FGF14: variants seen among roughly 807,000 people sequenced by gnomAD.
FGF14 encodes fibroblast growth factor 14, also known as fibroblast growth factor homologous factor 4.
In FGF14, 5 loss-of-function variants were observed where a neutral mutation model predicts 25.5. The ratio of observed to expected loss-of-function variants is 0.20; its 90% CI spans 0.10 to 0.41. The LOEUF (loss-of-function observed/expected upper bound fraction) is 0.41, where lower values mean the gene tolerates loss of function less well. Ranked by LOEUF, FGF14 falls within the 10% of genes least tolerant of loss-of-function variation. The pLI is 1.00. For synonymous variants in FGF14, 138 were observed against 118.3 expected (o/e 1.17, Z -1.08); for missense variants, 222 against 320.1 (o/e 0.69, Z 2.34).
At chr13:102,398,475 T>C (rs1364684580) in intron 1 of FGF14, among the ~76,000 whole-genome samples, 2 of 152,220 alleles carry the variant, frequency 1.3e-5, no homozygotes, top group Non-Finnish European at 2.9e-5. Context: ...CTATTATTTA[T>C]CTCTGAAATA....
chr13:102,106,167 T>TGTGCAGTA (rs2044900476), intron 1 of FGF14, among the ~76,000 whole-genome samples: 1 of 152,252 alleles, frequency 6.6e-6, no homozygotes, highest in South Asian at 2.1e-4. Flanking sequence ...AATATTTTTA[T>TGTGCAGTA]GTGCAGTAAG....
chr13:102,106,594 G>C (rs960952066), intron 1 of FGF14, among the ~76,000 whole-genome samples: 11 of 147,898 alleles, frequency 7.4e-5, no homozygotes, highest in African/African-American at 2.2e-4. Context: ...GAGGGAGGGA[G>C]GGAGGGAGGG....
chr13:102,173,573 A>C (rs985217073), intron 1 of FGF14, among the ~76,000 whole-genome samples: 1 of 152,200 alleles, frequency 6.6e-6, no homozygotes, highest in Non-Finnish European at 1.5e-5. Context: ...ATGTGGAAAC[A>C]ACCCAAATGT....
intron 1 of FGF14, among the ~76,000 whole-genome samples, chr13:102,054,875 A>G (rs2042363516): frequency 6.6e-6 from 1 of 152,110 alleles, no homozygotes; most frequent in Non-Finnish European, 1.5e-5. Flanking sequence ...TCTCATAAGT[A>G]TTATTGCCAA....
At chr13:102,129,832 A>G (rs545101263) in intron 1 of FGF14, among the ~76,000 whole-genome samples, 11 of 152,274 alleles carry the variant, frequency 7.2e-5, no homozygotes, top group Non-Finnish European at 1.3e-4. Context: ...AAGTATAATA[A>G]TAAAAAAAAA....
At chr13:101,855,350 A>G (rs2044071852) in intron 3 of FGF14, among the ~76,000 whole-genome samples, 1 of 152,188 alleles carries the variant, frequency 6.6e-6, no homozygotes, top group African/African-American at 2.4e-5. Context: ...AACTATTTTA[A>G]AGTACCAAAT....
At chr13:101,796,725 G>T (rs1304363663) in intron 3 of FGF14, among the ~76,000 whole-genome samples, 1 of 151,978 alleles carries the variant, frequency 6.6e-6, no homozygotes, top group Non-Finnish European at 1.5e-5. Flanking sequence ...AGAGGCCTCA[G>T]AAGAAACAAT....
intron 1 of FGF14, among the ~76,000 whole-genome samples, chr13:102,129,786 T>C (rs544449131): frequency 6.6e-6 from 1 of 152,122 alleles, no homozygotes; most frequent in African/African-American, 2.4e-5. Context: ...TGTATACATA[T>C]GTAACAAACC....
At chr13:102,022,446 A>G (rs2040707324) in intron 1 of FGF14, among the ~76,000 whole-genome samples, 1 of 152,106 alleles carries the variant, frequency 6.6e-6, no homozygotes. Context: ...ACTCGCTCAA[A>G]GAGATGGCAT....
chr13:101,997,688 C>T (rs1002276792), intron 1 of FGF14, among the ~76,000 whole-genome samples: 19 of 152,084 alleles, frequency 1.2e-4, no homozygotes, highest in African/African-American at 4.6e-4. Context: ...GCATTACAAG[C>T]TATAACATAA....
intron 1 of FGF14, among the ~76,000 whole-genome samples, chr13:101,885,713 A>C (rs944975391): frequency 1.1e-4 from 16 of 151,944 alleles, no homozygotes; most frequent in Non-Finnish European, 1.6e-4. Flanking sequence ...AAAAAAAAAA[A>C]AAAACTGCAG....
intron 1 of FGF14, among the ~76,000 whole-genome samples, chr13:102,156,607 G>T (rs1566756188): frequency 6.6e-6 from 1 of 152,178 alleles, no homozygotes; most frequent in South Asian, 2.1e-4. Flanking sequence ...GCACAAGACA[G>T]GGAGGCCCTC....
At chr13:101,816,483 T>G (rs868312977) in intron 3 of FGF14, among the ~76,000 whole-genome samples, 1 of 152,216 alleles carries the variant, frequency 6.6e-6, no homozygotes, top group Non-Finnish European at 1.5e-5. Context: ...TGAAATATAA[T>G]TACCTGGGTC....
chr13:101,998,958 T>C (rs945173751), intron 1 of FGF14, among the ~76,000 whole-genome samples: 4 of 152,186 alleles, frequency 2.6e-5, no homozygotes, highest in Non-Finnish European at 5.9e-5. Context: ...AAAATCTCTA[T>C]AAGCCAAAAA....
intron 3 of FGF14, among the ~76,000 whole-genome samples, chr13:101,756,688 G>A (rs566450026): frequency 5.6e-4 from 85 of 152,254 alleles, no homozygotes; most frequent in Middle Eastern, 3.4e-3. Context: ...AGCTGAGATC[G>A]TGCCACTGCA....
At chr13:101,905,500 A>G (rs1444740084) in intron 1 of FGF14, among the ~76,000 whole-genome samples, 1 of 152,070 alleles carries the variant, frequency 6.6e-6, no homozygotes, top group African/African-American at 2.4e-5. Flanking sequence ...GGAGTTGGAC[A>G]ATGAGAACAC....
intron 1 of FGF14, among the ~76,000 whole-genome samples, chr13:102,359,942 T>C (rs1347672843): frequency 5.3e-5 from 8 of 151,754 alleles, no homozygotes; most frequent in African/African-American, 1.7e-4. Context: ...GGAAATCTTA[T>C]AGTATACAGA....
chr13:101,752,698 A>G (rs1190809039), intron 3 of FGF14, among the ~76,000 whole-genome samples: 1 of 152,186 alleles, frequency 6.6e-6, no homozygotes, highest in Non-Finnish European at 1.5e-5. Flanking sequence ...TGAGTTCATC[A>G]GGAACTCATG....
At chr13:102,281,698 T>C (rs1594708428) in intron 1 of FGF14, among the ~76,000 whole-genome samples, 1 of 152,038 alleles carries the variant, frequency 6.6e-6, no homozygotes, top group Non-Finnish European at 1.5e-5. Flanking sequence ...TTCTTTTTTT[T>C]TTTTTTTTTT....
Sources: gnomAD v4.1 joint callset for allele counts (sites outside exome capture counted in the v4.1 genomes callset) on GRCh38, gnomAD v4.1.1 for gene constraint, MANE v1.5 for transcripts, NCBI Gene and HGNC (gene_info 2026-07-23, HGNC 2026-07-21) for gene names.